CASK: variants seen among roughly 807,000 people sequenced by gnomAD.
CASK encodes calcium/calmodulin dependent serine protein kinase.
In CASK, 4 loss-of-function variants were observed where a neutral mutation model predicts 82.9. The ratio of observed to expected loss-of-function variants is 0.05; its 90% CI spans 0.02 to 0.11. The LOEUF (loss-of-function observed/expected upper bound fraction) is 0.11, where lower values mean the gene tolerates loss of function less well. CASK is among the 10% of genes least tolerant of loss of function. CASK has a pLI of 1.00. For synonymous variants in CASK, 259 were observed against 253.5 expected, an observed-to-expected ratio of 1.02 and a Z score of -0.20; for missense variants, 358 against 720.9, an observed-to-expected ratio of 0.50 and a Z score of 5.76.
chrX:41,648,834 C>T (rs1195645892), intron 8 of CASK, among the ~76,000 whole-genome samples: 2 of 111,390 alleles, frequency 1.8e-5, no homozygotes, highest in Non-Finnish European at 3.8e-5. Context: ...GGAATGGTAC[C>T]AGCTCCTCCT....
chrX:41,659,377 G>A lies in CASK; in HGVS notation c.831+1062C>T, dbSNP rs902053843. On this transcript the variant is annotated intron_variant, in intron 8 of 26. Coordinates refer to ENST00000378163, the MANE Select transcript of CASK (RefSeq NM_001367721.1). Reference sequence around the variant, plus strand: ...TCAGTAGCTGGGGCTACAGGCGCCCGCCACCACGCTAGGCTAATTTTTGTA... The same window carrying A: ...TCAGTAGCTGGGGCTACAGGCGCCCACCACCACGCTAGGCTAATTTTTGTA... 1.2e-4 allele frequency among the ~76,000 whole-genome samples: 13 copies of A among 110,010 alleles called. No individual in the cohort carries two copies. The East Asian group carries it at 2.6e-3, about 22-fold the overall frequency.
chrX:41,841,511 G>GT (rs1193063113), intron 2 of CASK, among the ~76,000 whole-genome samples: 2,230 of 80,059 alleles, frequency 0.028, 42 homozygotes, highest in Admixed American at 0.074. Flanking sequence ...TTTCCTTTTT[G>GT]TTTTTTTTTT....
Position 41,909,615 on chromosome X carries a change from G to T in CASK, c.59+13315C>A, listed in dbSNP as rs762276725. On this transcript the variant is annotated intron_variant, in intron 1 of 26. Transcript: ENST00000378163. Reference sequence around the variant, plus strand: ...TCAACAAAGCCCATGTTCTTGTTTTGTTTTTTTTTTTCTTAGTCTCGCTCT... The same window carrying T: ...TCAACAAAGCCCATGTTCTTGTTTTTTTTTTTTTTTTCTTAGTCTCGCTCT... Among the ~76,000 whole-genome samples the T allele has an allele frequency of 3.8e-5, 4 of 104,925 alleles. No homozygotes were observed. In the East Asian group the frequency reaches 1.2e-3, roughly 31 times the overall value. 91.1% of individuals were successfully genotyped at this position (104,925 alleles called of 115,157 possible).
intron 9 of CASK, among the ~76,000 whole-genome samples, chrX:41,633,059 T>A (rs56091357): frequency 0.21 from 16,660 of 80,487 alleles, 1,717 homozygotes; most frequent in Non-Finnish European, 0.31. Flanking sequence ...AAAAAAAAAA[T>A]AATAATAATA....
At chrX:41,567,908 C>T (rs1182071794) in intron 16 of CASK, among the ~76,000 whole-genome samples, 2 of 110,704 alleles carry the variant, frequency 1.8e-5, no homozygotes, top group African/African-American at 3.3e-5. Flanking sequence ...ACTATGCAGC[C>T]ATAAAAAAGG....
intron 10 of CASK, 123 bp from the exon 11 acceptor site, chrX:41,622,757 A>C: frequency 2.2e-6 from 1 of 451,455 alleles, no homozygotes. Context: ...GCTGACCCCA[A>C]AGTGAGCCCT....
chrX:41,623,771 C>T (rs923275045), intron 10 of CASK, among the ~76,000 whole-genome samples: 1 of 111,076 alleles, frequency 9.0e-6, no homozygotes, highest in Non-Finnish European at 1.9e-5. Context: ...TACAGTGATG[C>T]ACTCACGGCT....
intron 2 of CASK, among the ~76,000 whole-genome samples, chrX:41,789,546 C>T (rs766544357): frequency 1.1e-4 from 12 of 111,650 alleles, no homozygotes; most frequent in Non-Finnish European, 1.9e-4. Context: ...GCTGGGAAGT[C>T]ATAACCATGA....
chrX:41,763,745 G>A, intron 3 of CASK, among the ~76,000 whole-genome samples: 1 of 111,263 alleles, frequency 9.0e-6, no homozygotes, highest in Non-Finnish European at 1.9e-5. Flanking sequence ...TTACCACTTG[G>A]CAAACTCCTG....
At chrX:41,710,237 T>C (rs748287648) in intron 5 of CASK, among the ~76,000 whole-genome samples, 80 of 110,677 alleles carry the variant, frequency 7.2e-4, no homozygotes, top group Non-Finnish European at 1.3e-3. Context: ...TTAAAGAATC[T>C]ACAGAAAAGA....
intron 11 of CASK, among the ~76,000 whole-genome samples, chrX:41,620,958 T>A (rs1389103984): frequency 8.9e-6 from 1 of 111,843 alleles, no homozygotes; most frequent in Non-Finnish European, 1.9e-5. Context: ...ATTAAAATAG[T>A]TTATGCTTCC....
At chrX:41,612,826 A>C (rs1196302259) in intron 11 of CASK, among the ~76,000 whole-genome samples, 25 of 88,521 alleles carry the variant, frequency 2.8e-4, no homozygotes, top group African/African-American at 9.5e-4. Flanking sequence ...GGCCGCCCCT[A>C]CTGGGAAGTG....
At chrX:41,654,605 G>A (rs2066908257) in intron 8 of CASK, among the ~76,000 whole-genome samples, 4 of 111,247 alleles carry the variant, frequency 3.6e-5, no homozygotes, top group Admixed American at 9.5e-5. Flanking sequence ...CCTGGGAGGC[G>A]GAGGTTGCAG....
intron 6 of CASK, 60 bp downstream of exon 6, chrX:41,671,368 T>G: frequency 1.4e-6 from 1 of 710,294 alleles, no homozygotes; most frequent in Non-Finnish European, 2.3e-6. Context: ...GCTTGAAAGT[T>G]TTATACCAGT....
chrX:41,806,286 A>G (rs2070124287), intron 2 of CASK, among the ~76,000 whole-genome samples: 1 of 112,114 alleles, frequency 8.9e-6, no homozygotes, highest in Non-Finnish European at 1.9e-5. Flanking sequence ...CACACTTTAC[A>G]ATCATATATC....
chrX:41,586,666 C>T (rs2065661929), intron 14 of CASK: 2 of 313,781 alleles, frequency 6.4e-6, no homozygotes, highest in South Asian at 1.4e-4. Flanking sequence ...AAAGAAAATC[C>T]CTTGTCTGAT....
chrX:41,625,860 A>G (rs1471787489), intron 10 of CASK, among the ~76,000 whole-genome samples: 1 of 102,330 alleles, frequency 9.8e-6, no homozygotes, highest in African/African-American at 3.7e-5. Context: ...GATCACTGCA[A>G]CCTCCGCCTC....
intron 5 of CASK, among the ~76,000 whole-genome samples, chrX:41,674,257 G>A (rs1358487334): frequency 9.0e-6 from 1 of 110,899 alleles, no homozygotes; most frequent in Non-Finnish European, 1.9e-5. Flanking sequence ...ACACTGAGTG[G>A]AGCCAGAAAG....
chrX:41,584,053 T>C (rs1476250242), intron 14 of CASK: 1 of 112,453 alleles, frequency 8.9e-6, no homozygotes, highest in East Asian at 2.8e-4. Context: ...ATTTATTATA[T>C]ATCTGTTTCT....
Sources: allele counts gnomAD v4.1 joint callset (sites outside exome capture counted in the v4.1 genomes callset), GRCh38; gene constraint gnomAD v4.1.1; transcripts MANE v1.5; gene names NCBI Gene and HGNC (gene_info 2026-07-23, HGNC 2026-07-21).